Variants in XPO5 observed in about 807,000 individuals in gnomAD.
XPO5 encodes the protein exportin-5.
A neutral mutation model predicts 160.6 loss-of-function variants in XPO5; 46 were observed. That is an observed-to-expected ratio of 0.29 (90% CI 0.23 to 0.37). XPO5 has a LOEUF of 0.37. XPO5 is among the 10% of genes least tolerant of loss of function. XPO5 has a pLI of 1.00. For missense variants in XPO5, 1,090 were observed against 1,463.9 expected (o/e 0.74, Z 4.17); for synonymous variants, 537 against 519.3 (o/e 1.03, Z -0.46).
At chr6:43,535,989 G>A (rs1291023102) in intron 20 of XPO5, among the ~76,000 whole-genome samples, 3 of 150,664 alleles carry the variant, frequency 2.0e-5, no homozygotes, top group African/African-American at 4.9e-5. Context: ...CGAGTATGGC[G>A]GTGCATGCCT....
chr6:43,565,660 T>G lies in XPO5; in HGVS notation c.911A>C (p.Gln304Pro). 6.3e-7 allele frequency: 1 copy of G among 1,595,732 alleles called. No homozygotes were observed. The highest frequency in any genetic ancestry group is 8.5e-7 in the Non-Finnish European group (1 of 1,172,892). ...VAMHYILSAA[Q>P]TADGGGLVEK... ...CACACTGAAAAGTAAAGATACTCAC[T>G]GTGCGGCGGAGAGTATATAATGCAT... The change falls in exon 8 of 32, where the codon CAG (glutamine) becomes CCG (proline). Residue 304 changes from glutamine to proline, a missense_variant and splice_region_variant. By Grantham distance (76) the Gln-to-Pro change is moderately conservative. Around this residue, in one of 3 missense-constraint regions of XPO5, gnomAD observed 810 missense variants for 1,139.0 expected, o/e 0.71. Transcript: ENST00000265351.
chr6:43,524,942 A>C lies in XPO5; in HGVS notation c.3201T>G (p.Asp1067Glu), dbSNP rs767584568. Residue 1067 changes from aspartate (D) to glutamate (E), a missense_variant, in exon 30 of 32, where the codon GAT becomes GAG. Physicochemically the swap from Asp to Glu is conservative, Grantham distance 45. Coordinates refer to ENST00000265351, the MANE Select transcript of XPO5 (RefSeq NM_020750.3). ...CACTGGTGAAAAGCCACGTAACTGC[A>C]TCTGCGAGCAGTGTCCCTGACAGCA... ...KQVLSGTLLA[D>E]AVTWLFTSVL... The C allele has an allele frequency of 1.3e-5, 21 of 1,613,704 alleles. No homozygotes were observed. Among genetic ancestry groups the C allele is most frequent in the Non-Finnish European group, 1.8e-5 (21 of 1,179,886 alleles).
intron 20 of XPO5, among the ~76,000 whole-genome samples, chr6:43,542,622 C>G (rs1031513598): frequency 3.3e-5 from 5 of 152,002 alleles, no homozygotes; most frequent in African/African-American, 1.2e-4. Context: ...GACGGGGTTT[C>G]ACCATGTTGG....
rs967500322 is a variant in XPO5 at position 43,547,715 on chromosome 6, T to A, written c.2061-8A>T. 7.4e-6 allele frequency: 12 copies of A among 1,613,096 alleles called. No individual in the cohort carries two copies. The highest frequency in any genetic ancestry group is 1.0e-5 in the Non-Finnish European group (12 of 1,179,298). On this transcript the variant is annotated splice_polypyrimidine_tract_variant and splice_region_variant and intron_variant, in intron 18 of 31. Coordinates refer to ENST00000265351, the MANE Select transcript of XPO5 (RefSeq NM_020750.3). Reference sequence around the variant, plus strand: ...TCAACATCTGACAGCACTCTGAAGGTTGGAGGGGGAAAAACAAGTTACATC... The same window carrying A: ...TCAACATCTGACAGCACTCTGAAGGATGGAGGGGGAAAAACAAGTTACATC...
intron 7 of XPO5, among the ~76,000 whole-genome samples, chr6:43,566,319 G>A (rs1293668953): frequency 6.6e-6 from 1 of 151,850 alleles, no homozygotes; most frequent in African/African-American, 2.4e-5. Flanking sequence ...GCTTGAACCC[G>A]GGAGGCAGAG....
intron 12 of XPO5, among the ~76,000 whole-genome samples, chr6:43,557,392 C>T (rs1762155345): frequency 6.6e-6 from 1 of 151,830 alleles, no homozygotes; most frequent in Non-Finnish European, 1.5e-5. Context: ...TGCCACTGCA[C>T]TCCAGCCTGG....
At chr6:43,537,196 T>C (rs1173964222) in intron 20 of XPO5, among the ~76,000 whole-genome samples, 1 of 149,934 alleles carries the variant, frequency 6.7e-6, no homozygotes, top group East Asian at 1.9e-4. Flanking sequence ...GGTCTCAAAC[T>C]CCTGGCCCCA....
intron 5 of XPO5, among the ~76,000 whole-genome samples, chr6:43,569,332 G>A (rs1762870317): frequency 6.6e-6 from 1 of 150,944 alleles, no homozygotes; most frequent in Non-Finnish European, 1.5e-5. Flanking sequence ...ATATATATAT[G>A]ATGTTAAATA....
At chr6:43,552,121 G>T (rs531877996) in intron 14 of XPO5, among the ~76,000 whole-genome samples, 1 of 151,876 alleles carries the variant, frequency 6.6e-6, no homozygotes, top group Non-Finnish European at 1.5e-5. Context: ...GCAATGGCAC[G>T]ATCTCAGCTC....
chr6:43,566,592 T>C (rs936462243), intron 7 of XPO5: 3 of 392,756 alleles, frequency 7.6e-6, no homozygotes, highest in Admixed American at 7.5e-5. Flanking sequence ...GCAGATCACT[T>C]GAGCTCAGGA....
chr6:43,527,375 G>C (rs180910727), intron 26 of XPO5: 10 of 296,644 alleles, frequency 3.4e-5, no homozygotes, highest in African/African-American at 2.2e-4. Flanking sequence ...GGGTTCAAGC[G>C]ATTCTCCTAC....
rs1793649836 is a variant in XPO5 at position 43,527,170 on chromosome 6, T to C, written c.2921-423A>G. The C allele has an allele frequency of 1.9e-5, 4 of 211,752 alleles. No individual in the cohort carries two copies. In the South Asian group the frequency reaches 3.4e-4, roughly 18 times the overall value. The allele number at this position is 211,752 out of a possible 1,614,324, so 13.1% of individuals were successfully genotyped here. ...TCCAAATTCCTTCTGCTATTTTTGT[T>C]TCCCCATATTCAGCTTGCAATTCAT... On this transcript the variant is annotated intron_variant, in intron 26 of 31. Transcript: ENST00000265351.
At chr6:43,547,476 A>G in intron 19 of XPO5, 132 bp downstream of exon 19, 1 of 771,696 alleles carries the variant, frequency 1.3e-6, no homozygotes, top group Non-Finnish European at 2.3e-6. Flanking sequence ...AGAAAGGAGA[A>G]GCTTAGGGAA....
intron 20 of XPO5, chr6:43,539,845 C>A (rs1435129899): frequency 1.9e-6 from 1 of 517,672 alleles, no homozygotes; most frequent in African/African-American, 2.0e-5. Flanking sequence ...TCTAATTTAA[C>A]TACTACCAAT....
At chr6:43,552,127 A>G (rs1157250812) in intron 14 of XPO5, among the ~76,000 whole-genome samples, 1 of 151,830 alleles carries the variant, frequency 6.6e-6, no homozygotes, top group African/African-American at 2.4e-5. Context: ...GCACGATCTC[A>G]GCTCACTGCA....
chr6:43,558,403 G>A (rs1405017985), intron 12 of XPO5, 98 bp downstream of exon 12: 2 of 1,086,922 alleles, frequency 1.8e-6, no homozygotes, highest in African/African-American at 3.2e-5. Flanking sequence ...CAGATTTGGG[G>A]ATCTTTCGTA....
chr6:43,551,741 G>C (rs1216818789), intron 14 of XPO5, among the ~76,000 whole-genome samples: 1 of 152,122 alleles, frequency 6.6e-6, no homozygotes, highest in Non-Finnish European at 1.5e-5. Context: ...ATGTCGACCA[G>C]GCTGGTCTCA....
At chr6:43,524,670 G>C (rs775650565) in intron 30 of XPO5, 35 bp from the exon 31 acceptor site, 1 of 1,603,914 alleles carries the variant, frequency 6.2e-7, no homozygotes, top group South Asian at 1.1e-5. Flanking sequence ...CTGGATGTAG[G>C]TTTGGATATT....
At chr6:43,544,295 T>C (rs906717777) in intron 20 of XPO5, 1 of 156,122 alleles carries the variant, frequency 6.4e-6, no homozygotes, top group Non-Finnish European at 1.4e-5. Flanking sequence ...ATTGTCTTTC[T>C]ATAGAAAATA....
Sources: allele counts gnomAD v4.1 joint callset (sites outside exome capture counted in the v4.1 genomes callset), GRCh38; gene constraint gnomAD v4.1.1; regional missense constraint gnomAD v4.1.1; transcripts MANE v1.5; gene names NCBI Gene and HGNC (gene_info 2026-07-23, HGNC 2026-07-21).